PREPL: variants seen among roughly 807,000 people sequenced by gnomAD.
PREPL encodes prolyl endopeptidase like, also known as prolyl endopeptidase-like.
Under a neutral mutation model 70.6 loss-of-function variants are expected in PREPL, and 77 were observed. That is an observed-to-expected ratio of 1.09 (90% CI 0.91 to 1.32). The LOEUF is 1.32. PREPL is among the 40% of genes most tolerant of loss of function. PREPL has a pLI of 0.00. For synonymous variants in PREPL, 315 were observed against 264.8 expected (o/e 1.19, Z -1.84); for missense variants, 1,002 against 778.2 (o/e 1.29, Z -3.42).
chr2:44,350,062 T>C (rs191689224), intron 1 of PREPL, among the ~76,000 whole-genome samples: 3 of 152,170 alleles, frequency 2.0e-5, no homozygotes, highest in Admixed American at 6.5e-5. Flanking sequence ...TTTAAAAAAA[T>C]AGTAAAAGAG....
intron 1 of PREPL, among the ~76,000 whole-genome samples, chr2:44,355,226 C>G (rs1676897295): frequency 6.6e-6 from 1 of 152,134 alleles, no homozygotes; most frequent in African/African-American, 2.4e-5. Flanking sequence ...CTCAAGCTCT[C>G]TAGTCTTCCA....
intron 1 of PREPL, among the ~76,000 whole-genome samples, chr2:44,350,656 T>C (rs1044318460): frequency 6.6e-6 from 1 of 152,176 alleles, no homozygotes; most frequent in Admixed American, 6.5e-5. Context: ...AGGAAACTTG[T>C]TCCTTTCATC....
At chr2:44,338,068 G>C (rs374318753) in intron 7 of PREPL, among the ~76,000 whole-genome samples, 17 of 152,264 alleles carry the variant, frequency 1.1e-4, no homozygotes, top group African/African-American at 4.1e-4. Context: ...AGATATGTGA[G>C]GTAGAGAGAT....
Position 44,321,213 on chromosome 2 carries a change from G to C in PREPL, c.*143C>G. On this transcript the variant is annotated 3_prime_UTR_variant, in exon 14 of 14. Transcript: ENST00000409411. ...TATAAGCAAGTGAGATGTAGACTAA[G>C]CAAAATTTAGATGGAGAAGCACATT... 1.4e-6 allele frequency: 1 copy of C among 730,710 alleles called. No homozygotes were observed. Among genetic ancestry groups the C allele is most frequent in the Non-Finnish European group, 2.2e-6 (1 of 444,566 alleles). The allele number at this position is 730,710 out of a possible 1,614,324, so 45.3% of individuals were successfully genotyped here.
intron 1 of PREPL, among the ~76,000 whole-genome samples, chr2:44,354,927 A>G (rs1676854143): frequency 6.6e-6 from 1 of 152,216 alleles, no homozygotes; most frequent in Admixed American, 6.5e-5. Flanking sequence ...CATGACTGTG[A>G]AATAAGTCCA....
chr2:44,340,385 A>C (rs910648396), intron 5 of PREPL, among the ~76,000 whole-genome samples: 1 of 152,134 alleles, frequency 6.6e-6, no homozygotes. Context: ...ATACTAACAT[A>C]ATGAGTGGCT....
intron 10 of PREPL, among the ~76,000 whole-genome samples, chr2:44,325,912 A>T (rs1673444428): frequency 6.6e-6 from 1 of 152,252 alleles, no homozygotes; most frequent in African/African-American, 2.4e-5. Context: ...GGGAAAAGAT[A>T]ATCATTTTCA....
At position 44,361,142 on chromosome 2, in the gene PREPL, C is replaced by G. The variant is rs543764977; in HGVS notation, c.-49+238G>C. Among the ~76,000 whole-genome samples the G allele has an allele frequency of 2.2e-4, 34 of 152,324 alleles. No homozygotes were observed. The South Asian group carries it at 6.4e-3, about 29-fold the overall frequency. On this transcript the variant is annotated intron_variant, in intron 1 of 13. Coordinates refer to ENST00000409411, the MANE Select transcript of PREPL (RefSeq NM_001171613.2). ...ATCCCCAAGAAGACAGTATGCAAGG[C>G]TAGGATGGGGGTGGGGTAGATAAAT...
In PREPL at chr2:44,321,700, G is replaced by A. The variant is rs200068348; in HGVS notation, c.1827+127C>T. 2.6e-3 allele frequency: 4,122 copies of A among 1,578,110 alleles called. 10 individuals carry two copies. The highest frequency in any genetic ancestry group is 3.4e-3 in the Non-Finnish European group (3,972 of 1,159,868). Reference sequence around the variant, plus strand: ...CACAGTGTCCCTCCCTCCCCTCCTGGGTCTCACCCATAGATAGGACATTTG... The same window carrying A: ...CACAGTGTCCCTCCCTCCCCTCCTGAGTCTCACCCATAGATAGGACATTTG... On this transcript the variant is annotated intron_variant, in intron 13 of 13. Coordinates refer to ENST00000409411, the MANE Select transcript of PREPL (RefSeq NM_001171613.2).
At chr2:44,340,757 G>A (rs762208186) in intron 5 of PREPL, among the ~76,000 whole-genome samples, 2 of 151,816 alleles carry the variant, frequency 1.3e-5, no homozygotes, top group Non-Finnish European at 2.9e-5. Flanking sequence ...GTGAAACCCC[G>A]TCTCCACAAA....
At chr2:44,335,578 G>A in intron 7 of PREPL, among the ~76,000 whole-genome samples, 1 of 152,196 alleles carries the variant, frequency 6.6e-6, no homozygotes, top group East Asian at 1.9e-4. Flanking sequence ...AGACTTAAAT[G>A]TAAAACCTAA....
chr2:44,335,574 A>G (rs1260749757), intron 7 of PREPL, among the ~76,000 whole-genome samples: 4 of 152,236 alleles, frequency 2.6e-5, no homozygotes, highest in African/African-American at 9.6e-5. Flanking sequence ...TTAAAGACTT[A>G]AATGTAAAAC....
At chr2:44,342,871 C>T (rs1237353866) in intron 4 of PREPL, among the ~76,000 whole-genome samples, 2 of 152,114 alleles carry the variant, frequency 1.3e-5, no homozygotes, top group African/African-American at 2.4e-5. Context: ...AGGTGAATTC[C>T]GTCTCAATCT....
At position 44,360,997 on chromosome 2, in the gene PREPL, G is replaced by A. The variant is rs1677703859; in HGVS notation, c.-49+383C>T. ...AAAATAATGGGCGATTGGGGGTAGGGGAGCAACACTAGTTTACTAGCCGAC... is the reference window on the plus strand; with the variant it reads ...AAAATAATGGGCGATTGGGGGTAGGAGAGCAACACTAGTTTACTAGCCGAC... On this transcript the variant is annotated intron_variant, in intron 1 of 13. Transcript: ENST00000409411. 4.6e-5 allele frequency among the ~76,000 whole-genome samples: 7 copies of A among 152,260 alleles called. No homozygotes were observed. The South Asian group carries it at 1.2e-3, about 27-fold the overall frequency.
intron 1 of PREPL, among the ~76,000 whole-genome samples, chr2:44,359,224 C>T (rs186524377): frequency 2.0e-5 from 3 of 151,970 alleles, no homozygotes; most frequent in East Asian, 1.9e-4. Flanking sequence ...GGTGCCATGA[C>T]GCCTAGCTAA....
At chr2:44,328,265 T>G (rs1297736526) in intron 9 of PREPL, among the ~76,000 whole-genome samples, 2 of 48,920 alleles carry the variant, frequency 4.1e-5, no homozygotes, top group East Asian at 2.8e-4. Context: ...CAAGATTCTA[T>G]CTCAAAAAAA....
chr2:44,345,869 T>C (rs1300603420), intron 2 of PREPL, among the ~76,000 whole-genome samples: 4 of 152,172 alleles, frequency 2.6e-5, no homozygotes, highest in Admixed American at 6.5e-5. Context: ...GTGCTGGGCA[T>C]GGTGGCTCAC....
At position 44,320,043 on chromosome 2, in the gene PREPL, G is replaced by C. The variant is rs1572830159; in HGVS notation, c.*1313C>G. On this transcript the variant is annotated 3_prime_UTR_variant, in exon 14 of 14. Transcript: ENST00000409411. Reference sequence around the variant, plus strand: ...ATTTCTATCAGTTTTTATATAAATTGTTCTTACCTACTTATTGATGCTTAC... The same window carrying C: ...ATTTCTATCAGTTTTTATATAAATTCTTCTTACCTACTTATTGATGCTTAC... 6.3e-6 allele frequency: 4 copies of C among 633,884 alleles called. No homozygotes were observed. The highest frequency in any genetic ancestry group is 3.7e-5 in the African/African-American group (2 of 54,494). The allele number at this position is 633,884 out of a possible 1,614,324, so 39.3% of individuals were successfully genotyped here. A position where few individuals can be genotyped will look rare whatever the true frequency, so the allele number is the denominator to read the frequency against.
intron 5 of PREPL, 37 bp from the exon 6 acceptor site, chr2:44,339,400 T>C: frequency 6.2e-7 from 1 of 1,604,654 alleles, no homozygotes. Flanking sequence ...TCACAGTTTA[T>C]TTCAGATGCA....
Sources: allele counts gnomAD v4.1 joint callset (sites outside exome capture counted in the v4.1 genomes callset), GRCh38; gene constraint gnomAD v4.1.1; transcripts MANE v1.5; gene names NCBI Gene and HGNC (gene_info 2026-07-23, HGNC 2026-07-21).